Variants in TPST1 observed in about 807,000 individuals in gnomAD.
The protein encoded by TPST1 is tyrosylprotein sulfotransferase 1.
A neutral mutation model predicts 34.8 loss-of-function variants in TPST1; 20 were observed. The ratio of observed to expected loss-of-function variants is 0.57; its 90% CI spans 0.40 to 0.84. The LOEUF (loss-of-function observed/expected upper bound fraction) is 0.84. Among genes scored for constraint, TPST1 ranks in the 40% least tolerant of loss-of-function variants. TPST1 has a pLI of 0.00. For synonymous variants in TPST1, 152 were observed against 159.4 expected (o/e 0.95, Z 0.35); for missense variants, 353 against 455.5 (o/e 0.78, Z 2.05).
At chr7:66,307,396 G>A (rs1791447304) in intron 3 of TPST1, among the ~76,000 whole-genome samples, 1 of 152,168 alleles carries the variant, frequency 6.6e-6, no homozygotes, top group Admixed American at 6.5e-5. Context: ...GGGATTACAG[G>A]TGTGAGCCAC....
intron 2 of TPST1, among the ~76,000 whole-genome samples, chr7:66,285,245 C>T (rs187463040): frequency 3.3e-5 from 5 of 152,252 alleles, no homozygotes; most frequent in Admixed American, 3.3e-4. Flanking sequence ...ATGGCAGGTG[C>T]TTTTAATAAT....
intron 2 of TPST1, among the ~76,000 whole-genome samples, chr7:66,241,504 T>C (rs1464571292): frequency 6.6e-6 from 1 of 152,200 alleles, no homozygotes; most frequent in Non-Finnish European, 1.5e-5. Flanking sequence ...TTCATTTATA[T>C]ATCGTGGCCC....
At chr7:66,241,838 G>A (rs563959565) in intron 2 of TPST1, among the ~76,000 whole-genome samples, 10 of 152,330 alleles carry the variant, frequency 6.6e-5, no homozygotes, top group African/African-American at 2.4e-4. Context: ...GATTTGTTCA[G>A]ATTTAGATGG....
intron 3 of TPST1, among the ~76,000 whole-genome samples, chr7:66,313,718 AC>A (rs1301194250): frequency 6.6e-6 from 1 of 152,190 alleles, no homozygotes; most frequent in African/African-American, 2.4e-5. Flanking sequence ...TTAAAAACTT[AC>A]AGAAAGGCTG....
At chr7:66,278,884 C>G (rs1403768413) in intron 2 of TPST1, among the ~76,000 whole-genome samples, 1 of 152,102 alleles carries the variant, frequency 6.6e-6, no homozygotes, top group Non-Finnish European at 1.5e-5. Flanking sequence ...TGTAAACATT[C>G]TGATATGATT....
intron 2 of TPST1, among the ~76,000 whole-genome samples, chr7:66,254,466 C>T (rs532425764): frequency 6.6e-6 from 1 of 152,172 alleles, no homozygotes; most frequent in African/African-American, 2.4e-5. Context: ...TGCAGTGGTG[C>T]GATCTCAGCT....
At chr7:66,348,561 G>T (rs1179246633) in intron 3 of TPST1, among the ~76,000 whole-genome samples, 1 of 152,052 alleles carries the variant, frequency 6.6e-6, no homozygotes, top group African/African-American at 2.4e-5. Flanking sequence ...GAGGTGGGAG[G>T]GTTTGTAGAA....
intron 2 of TPST1, among the ~76,000 whole-genome samples, chr7:66,244,995 A>C (rs1790118528): frequency 6.6e-6 from 1 of 152,250 alleles, no homozygotes; most frequent in South Asian, 2.1e-4. Flanking sequence ...AAGCAGACAA[A>C]AAATCCTCTA....
intron 1 of TPST1, among the ~76,000 whole-genome samples, chr7:66,209,532 T>G (rs1789201131): frequency 6.6e-6 from 1 of 152,216 alleles, no homozygotes. Context: ...CTCAGCCATA[T>G]AAAATCACCT....
At chr7:66,262,519 A>G (rs1475760165) in intron 2 of TPST1, among the ~76,000 whole-genome samples, 1 of 152,148 alleles carries the variant, frequency 6.6e-6, no homozygotes, top group African/African-American at 2.4e-5. Flanking sequence ...CCCAAATGGG[A>G]GATGGATCAA....
At chr7:66,329,306 A>G (rs1002351040) in intron 3 of TPST1, among the ~76,000 whole-genome samples, 1 of 151,960 alleles carries the variant, frequency 6.6e-6, no homozygotes, top group African/African-American at 2.4e-5. Flanking sequence ...ATTTTTTCCA[A>G]TTTTTTATAG....
intron 3 of TPST1, among the ~76,000 whole-genome samples, chr7:66,330,905 C>T (rs1027102248): frequency 6.6e-6 from 1 of 152,146 alleles, no homozygotes; most frequent in African/African-American, 2.4e-5. Flanking sequence ...GTATTAATGG[C>T]TTAAATCAAC....
At chr7:66,320,375 G>A (rs1339786788) in intron 3 of TPST1, among the ~76,000 whole-genome samples, 1 of 149,984 alleles carries the variant, frequency 6.7e-6, no homozygotes. Context: ...AGCCTCCCGA[G>A]TTGCTGGGAC....
intron 1 of TPST1, among the ~76,000 whole-genome samples, chr7:66,226,219 CTG>C (rs1789653742): frequency 6.6e-6 from 1 of 152,072 alleles, no homozygotes; most frequent in Non-Finnish European, 1.5e-5. Context: ...TCAGTATACA[CTG>C]TGAGCTGGTG....
At chr7:66,331,431 T>G (rs775427881) in intron 3 of TPST1, among the ~76,000 whole-genome samples, 2 of 152,200 alleles carry the variant, frequency 1.3e-5, no homozygotes, top group Non-Finnish European at 2.9e-5. Context: ...TTGTAAAACC[T>G]TGGCTATCTG....
At chr7:66,284,360 A>AT (rs5884584) in intron 2 of TPST1, among the ~76,000 whole-genome samples, 91,936 of 151,212 alleles carry the variant, frequency 0.61, 28,469 homozygotes, top group African/African-American at 0.73. Flanking sequence ...ATTAATTTAC[A>AT]TTTTTTTTAT....
intron 2 of TPST1, among the ~76,000 whole-genome samples, chr7:66,272,508 A>G (rs1313769490): frequency 6.6e-6 from 1 of 152,114 alleles, no homozygotes; most frequent in African/African-American, 2.4e-5. Context: ...CACAGCTGAC[A>G]TCATCCTCAG....
At chr7:66,306,008 T>C (rs753117453) in intron 3 of TPST1, among the ~76,000 whole-genome samples, 1 of 152,180 alleles carries the variant, frequency 6.6e-6, no homozygotes, top group Non-Finnish European at 1.5e-5. Flanking sequence ...TGTTAGTGAT[T>C]CCCTCCACCT....
chr7:66,268,940 C>T (rs1159866615), intron 2 of TPST1, among the ~76,000 whole-genome samples: 5 of 152,182 alleles, frequency 3.3e-5, no homozygotes, highest in African/African-American at 9.7e-5. Flanking sequence ...GCCTTGGCCT[C>T]CCAAAGTGCT....
Sources: allele counts gnomAD v4.1 joint callset (sites outside exome capture counted in the v4.1 genomes callset), GRCh38; gene constraint gnomAD v4.1.1; transcripts MANE v1.5; gene names NCBI Gene and HGNC (gene_info 2026-07-23, HGNC 2026-07-21).